Variants in ENOX1 observed in about 807,000 individuals in gnomAD.
ENOX1 encodes ecto-NOX disulfide-thiol exchanger 1, also known as candidate growth-related and time keeping constitutive hydroquinone (NADH) oxidase.
A neutral mutation model predicts 82.5 loss-of-function variants in ENOX1; 42 were observed. That is an observed-to-expected ratio of 0.51 (90% CI 0.40 to 0.66). The LOEUF (loss-of-function observed/expected upper bound fraction) is 0.66. ENOX1 is among the 30% of genes least tolerant of loss of function. ENOX1 has a pLI of 0.00. For synonymous variants in ENOX1, 271 were observed against 282.2 expected, an observed-to-expected ratio of 0.96 and a Z score of 0.40; for missense variants, 608 against 811.6, an observed-to-expected ratio of 0.75 and a Z score of 3.05.
At chr13:43,572,095 A>G (rs2080211678) in intron 2 of ENOX1, among the ~76,000 whole-genome samples, 1 of 152,194 alleles carries the variant, frequency 6.6e-6, no homozygotes. Context: ...AAACAAAAAT[A>G]TATATATACA....
intron 9 of ENOX1, among the ~76,000 whole-genome samples, chr13:43,333,837 G>A (rs2048549931): frequency 6.6e-6 from 1 of 152,228 alleles, no homozygotes; most frequent in Admixed American, 6.5e-5. Context: ...TGGCCAGGCT[G>A]GTCTCGAACT....
Position 43,555,144 on chromosome 13 carries a change from C to T in ENOX1, c.-218-70992G>A, listed in dbSNP as rs544732263. Among the ~76,000 whole-genome samples the T allele has an allele frequency of 4.6e-5, 7 of 152,228 alleles. No homozygotes were observed. The South Asian group carries it at 6.2e-4, about 14-fold the overall frequency. On this transcript the variant is annotated intron_variant, in intron 2 of 16. Transcript: ENST00000690772. ...AAAAATTGGGAACAACTTGCAAACC[C>T]GCTAATATCCCAAAGCTTTCATGAG... is the stretch of plus-strand genomic sequence containing the variant.
intron 14 of ENOX1, among the ~76,000 whole-genome samples, chr13:43,248,125 T>C (rs1006212322): frequency 6.6e-6 from 1 of 151,096 alleles, no homozygotes; most frequent in East Asian, 2.0e-4. Context: ...GACCTCGTGA[T>C]CCGCCCGCCT....
At chr13:43,751,190 T>A (rs1261048575) in intron 1 of ENOX1, among the ~76,000 whole-genome samples, 4 of 152,186 alleles carry the variant, frequency 2.6e-5, no homozygotes, top group Non-Finnish European at 4.4e-5. Context: ...TTTGTAGCAT[T>A]TCAACAAATG....
intron 15 of ENOX1, among the ~76,000 whole-genome samples, chr13:43,235,133 A>G (rs2042469202): frequency 6.6e-6 from 1 of 152,226 alleles, no homozygotes; most frequent in Non-Finnish European, 1.5e-5. Context: ...CAATAGAAGA[A>G]AAATCCAGTT....
In ENOX1 at chr13:43,361,409, C is replaced by A; in HGVS notation, c.252G>T (p.Met84Ile). The stretch of plus-strand genomic sequence containing the variant: ...TTGGGTTAATGGGGGTGATTCCAGT[C>A]ATCATGTTGAGGCTTGGATCAAAGC... ...VPGFDPSLNM[M>I]TGITPINPMI... The change falls in exon 6 of 17, where the codon ATG becomes ATT. Residue 84 changes from methionine to isoleucine, a missense_variant. Coordinates refer to ENST00000690772, the MANE Select transcript of ENOX1 (RefSeq NM_001347969.2). The A allele has an allele frequency of 6.2e-7, 1 of 1,613,156 alleles. No homozygotes were observed. The highest frequency in any genetic ancestry group is 8.5e-7 in the Non-Finnish European group (1 of 1,179,810).
At chr13:43,670,062 C>A (rs144742735) in intron 1 of ENOX1, among the ~76,000 whole-genome samples, 135 of 152,214 alleles carry the variant, frequency 8.9e-4, no homozygotes, top group Non-Finnish European at 1.5e-3. Context: ...GACTGAAACA[C>A]GCTTCATTAC....
chr13:43,691,839 T>C (rs974206584), intron 1 of ENOX1, among the ~76,000 whole-genome samples: 42 of 152,126 alleles, frequency 2.8e-4, no homozygotes, highest in African/African-American at 9.4e-4. Context: ...TAGCTGGGAC[T>C]ATAGGCACGT....
intron 2 of ENOX1, among the ~76,000 whole-genome samples, chr13:43,492,497 C>A (rs1446460723): frequency 1.3e-5 from 2 of 152,164 alleles, no homozygotes; most frequent in African/African-American, 2.4e-5. Flanking sequence ...CAAAACTTAA[C>A]TCAGGTCACT....
intron 2 of ENOX1, among the ~76,000 whole-genome samples, chr13:43,566,757 G>A (rs560535456): frequency 6.6e-6 from 1 of 151,960 alleles, no homozygotes; most frequent in Non-Finnish European, 1.5e-5. Context: ...AGAAGAGAAG[G>A]TATAGATCTT....
At chr13:43,754,490 G>A (rs776339112) in intron 1 of ENOX1, among the ~76,000 whole-genome samples, 35 of 151,092 alleles carry the variant, frequency 2.3e-4, no homozygotes, top group Non-Finnish European at 4.4e-4. Flanking sequence ...GTGCCACTAC[G>A]CCTGGCTAGT....
At chr13:43,426,738 G>C (rs1368502081) in intron 3 of ENOX1, among the ~76,000 whole-genome samples, 1 of 152,164 alleles carries the variant, frequency 6.6e-6, no homozygotes, top group African/African-American at 2.4e-5. Context: ...CAATTAGGAT[G>C]ATGATTTTAT....
intron 2 of ENOX1, among the ~76,000 whole-genome samples, chr13:43,491,992 T>C (rs1216165491): frequency 1.3e-5 from 2 of 152,174 alleles, no homozygotes; most frequent in South Asian, 2.1e-4. Flanking sequence ...CACTATGTTA[T>C]ATAGTGAATC....
At chr13:43,641,856 A>C (rs2083668932) in intron 2 of ENOX1, among the ~76,000 whole-genome samples, 1 of 152,114 alleles carries the variant, frequency 6.6e-6, no homozygotes, top group South Asian at 2.1e-4. Context: ...TTTTAAAAGA[A>C]GTCTCATGCG....
chr13:43,680,916 T>C (rs751931946), intron 1 of ENOX1, among the ~76,000 whole-genome samples: 3 of 151,962 alleles, frequency 2.0e-5, no homozygotes, highest in Non-Finnish European at 4.4e-5. Context: ...CAACTATTCC[T>C]CAGAGAGATA....
chr13:43,281,703 C>T (rs1054514406), intron 12 of ENOX1, among the ~76,000 whole-genome samples: 3 of 152,066 alleles, frequency 2.0e-5, no homozygotes, highest in African/African-American at 7.2e-5. Context: ...AGTGATGGCA[C>T]AAAAAAGATG....
At chr13:43,353,922 C>G (rs1043966158) in intron 8 of ENOX1, among the ~76,000 whole-genome samples, 2 of 152,256 alleles carry the variant, frequency 1.3e-5, no homozygotes, top group African/African-American at 4.8e-5. Flanking sequence ...CTGTTATCCT[C>G]TAAAAGGAGC....
chr13:43,519,097 C>A (rs796539842), intron 2 of ENOX1, among the ~76,000 whole-genome samples: 8 of 152,234 alleles, frequency 5.3e-5, no homozygotes, highest in African/African-American at 1.9e-4. Flanking sequence ...ACAACAACAA[C>A]CCTGAGCATT....
intron 6 of ENOX1, 102 bp from the exon 7 acceptor site, chr13:43,360,159 A>G (rs2050406905): frequency 9.7e-7 from 1 of 1,029,906 alleles, no homozygotes; most frequent in African/African-American, 1.8e-5. Flanking sequence ...CTCCAGACTG[A>G]GTGACGGTAA....
Sources: gnomAD v4.1 joint callset for allele counts (sites outside exome capture counted in the v4.1 genomes callset) on GRCh38, gnomAD v4.1.1 for gene constraint, MANE v1.5 for transcripts, NCBI Gene and HGNC (gene_info 2026-07-23, HGNC 2026-07-21) for gene names.